The following TECPR1 variants were observed in gnomAD, a reference collection of about 807,000 sequenced individuals.
The protein encoded by TECPR1 is tectonin beta-propeller repeat containing 1, also known as tectonin beta-propeller repeat-containing protein 1.
In TECPR1, 122 loss-of-function variants were observed where a neutral mutation model predicts 162.4. The observed-to-expected ratio is 0.75, with a 90% CI of 0.65 to 0.87. The LOEUF (loss-of-function observed/expected upper bound fraction) is 0.87, where lower values mean the gene tolerates loss of function less well. Ranked by LOEUF, TECPR1 falls within the 40% of genes least tolerant of loss-of-function variation. The pLI is 0.00. For missense variants in TECPR1, 1,432 were observed against 1,618.2 expected, an observed-to-expected ratio of 0.88 and a Z score of 1.97; for synonymous variants, 642 against 670.6, an observed-to-expected ratio of 0.96 and a Z score of 0.66.
At chr7:98,236,263 C>G (rs906804351) in intron 10 of TECPR1, among the ~76,000 whole-genome samples, 1 of 152,184 alleles carries the variant, frequency 6.6e-6, no homozygotes, top group African/African-American at 2.4e-5. Flanking sequence ...CTCAAACAAA[C>G]TCGGGGTAAG....
intron 19 of TECPR1, 151 bp from the exon 20 acceptor site, chr7:98,223,869 C>T (rs751850752): frequency 8.8e-6 from 7 of 798,222 alleles, no homozygotes; most frequent in Admixed American, 2.3e-5. Context: ...TGTCACCACG[C>T]GCGGCTCTCA....
At chr7:98,239,935 C>T (rs1435138710) in intron 8 of TECPR1, among the ~76,000 whole-genome samples, 1 of 151,940 alleles carries the variant, frequency 6.6e-6, no homozygotes, top group Non-Finnish European at 1.5e-5. Context: ...TCGGTGATAC[C>T]CCATCTCTAC....
chr7:98,232,623 G>C lies in TECPR1; in HGVS notation c.1818+204C>G, dbSNP rs1242295163. Among the ~76,000 whole-genome samples, 2 of 147,798 alleles carry C rather than the reference G, an allele frequency of 1.4e-5. No individual in the cohort carries two copies. The highest frequency in any genetic ancestry group is 2.5e-5 in the African/African-American group (1 of 40,672). Reference sequence around the variant, plus strand: ...TCTGGGTCCCCAGGGCCTCCAACGAGTCTGGAACACAGTGAGGCCCAAACC... The same window carrying C: ...TCTGGGTCCCCAGGGCCTCCAACGACTCTGGAACACAGTGAGGCCCAAACC... On this transcript the variant is annotated intron_variant, in intron 12 of 25. Coordinates refer to ENST00000447648, the MANE Select transcript of TECPR1 (RefSeq NM_015395.3). The surrounding 1 kb of genome is among the most constrained non-coding windows in gnomAD (Gnocchi z 4.6).
chr7:98,236,732 C>T (rs1161299882), intron 10 of TECPR1, 44 bp downstream of exon 10: 1 of 1,571,844 alleles, frequency 6.4e-7, no homozygotes, highest in Non-Finnish European at 8.6e-7. Flanking sequence ...GCTCAGACGG[C>T]CCATCCCAGC....
At chr7:98,225,679 G>C (rs1381787243) in intron 17 of TECPR1, among the ~76,000 whole-genome samples, 1 of 151,898 alleles carries the variant, frequency 6.6e-6, no homozygotes, top group Non-Finnish European at 1.5e-5. Context: ...TCAGAGACAG[G>C]CTGTCGCTCT....
chr7:98,246,089 T>C lies in TECPR1; in HGVS notation c.58A>G (p.Thr20Ala). 1 of 1,560,588 alleles carries C rather than the reference T, an allele frequency of 6.4e-7. No individual in the cohort carries two copies. The highest frequency in any genetic ancestry group is 2.4e-5 in the East Asian group (1 of 41,564). Residue 20 changes from threonine (T) to alanine (A), a missense_variant, in exon 3 of 26, where the codon ACA becomes GCA. By Grantham distance (58) the Thr-to-Ala change is moderately conservative. Transcript: ENST00000447648. The stretch of plus-strand genomic sequence containing the variant: ...CACATTTCCCAGTACTGGCCTGCTG[T>C]GGACAGCGTGTACACTCTCCCGAAG... ...DLFGRVYTLS[T>A]AGQYWEMCKD...
At chr7:98,224,725 G>T in intron 19 of TECPR1, 76 bp downstream of exon 19, 2 of 1,383,244 alleles carry the variant, frequency 1.4e-6, no homozygotes, top group East Asian at 2.5e-5. Context: ...GAAGAGCAGT[G>T]AGGCCAGAGG....
chr7:98,247,801 C>T (rs554302563), intron 2 of TECPR1, among the ~76,000 whole-genome samples: 12 of 152,250 alleles, frequency 7.9e-5, no homozygotes, highest in Non-Finnish European at 1.3e-4. Context: ...TAGCTCACTG[C>T]AGCCTTGAAC....
intron 5 of TECPR1, among the ~76,000 whole-genome samples, chr7:98,244,159 C>T (rs1311570144): frequency 6.6e-6 from 1 of 151,952 alleles, no homozygotes; most frequent in Non-Finnish European, 1.5e-5. Flanking sequence ...CCCAGGGAGG[C>T]CTCCACTCAT....
chr7:98,217,559 G>A (rs1798044594), intron 25 of TECPR1, 56 bp from the exon 26 acceptor site: 3 of 1,544,450 alleles, frequency 1.9e-6, no homozygotes, highest in South Asian at 1.2e-5. Context: ...ATCCTGGAGG[G>A]GATCTGCCTG....
At position 98,231,300 on chromosome 7, in the gene TECPR1, A is replaced by G. The variant is rs1798429050; in HGVS notation, c.2048T>C (p.Leu683Pro). 6.2e-7 allele frequency: 1 copy of G among 1,612,506 alleles called. No homozygotes were observed. Among genetic ancestry groups the G allele is most frequent in the South Asian group, 1.1e-5 (1 of 90,832 alleles). The change falls in exon 14 of 26, where the codon CTG (leucine) becomes CCG (proline). Residue 683 changes from leucine to proline, a missense_variant. Leu to Pro is a moderately conservative substitution (Grantham distance 98). Coordinates refer to ENST00000447648, the MANE Select transcript of TECPR1 (RefSeq NM_015395.3). The stretch of plus-strand genomic sequence containing the variant: ...CTGCCGTGTCCGCTCAGGGGTGTAC[A>G]GGGCAAAGGAGTGCTTGGTCTCGTT... Reference protein sequence around the residue: ...VLNETKHSFALYTPERTRQRW... With the variant: ...VLNETKHSFAPYTPERTRQRW...
intron 11 of TECPR1, chr7:98,233,202 G>T: frequency 1.3e-6 from 1 of 787,176 alleles, no homozygotes. Context: ...ACAGGGGAAG[G>T]GGCACTGGCC....
intron 1 of TECPR1, 135 bp from the exon 2 acceptor site, chr7:98,251,683 GAC>G (rs1212616691): frequency 2.6e-5 from 4 of 152,294 alleles, no homozygotes; most frequent in Non-Finnish European, 4.4e-5. Context: ...GCACTTGGGT[GAC>G]AGGTGGGGCC....
In TECPR1 at chr7:98,217,163, C is replaced by G. The variant is rs184521770; in HGVS notation, c.*227G>C. 7 of 519,488 alleles carry G rather than the reference C, an allele frequency of 1.3e-5. No individual in the cohort carries two copies. The East Asian group carries it at 2.3e-4, about 17-fold the overall frequency. The allele number at this position is 519,488 out of a possible 1,614,324, so 32.2% of individuals were successfully genotyped here. A position where few individuals can be genotyped will look rare whatever the true frequency, so the allele number is the denominator to read the frequency against. On this transcript the variant is annotated 3_prime_UTR_variant, in exon 26 of 26. Transcript: ENST00000447648. ...GCAGCCCCACCCCATGCCCCACACC[C>G]CGGGACTCCTCGCAGACGGGGACAC...
rs1404841878 is a variant in TECPR1 at position 98,217,646 on chromosome 7, C to T, written c.3384+46G>A. The T allele has an allele frequency of 3.9e-6, 6 of 1,519,206 alleles. No individual in the cohort carries two copies. In the African/African-American group the frequency reaches 5.5e-5, roughly 14 times the overall value. 94.1% of individuals were successfully genotyped at this position (1,519,206 alleles called of 1,614,324 possible). On this transcript the variant is annotated intron_variant, in intron 25 of 25. Coordinates refer to ENST00000447648, the MANE Select transcript of TECPR1 (RefSeq NM_015395.3). The stretch of plus-strand genomic sequence containing the variant: ...GTCGTCCCGTCTTCAGCACCCAGTG[C>T]AGGCACAAGGTGATAACACAGCCCA...
Position 98,217,721 on chromosome 7 carries a change from T to G in TECPR1, c.3355A>C (p.Lys1119Gln). 1 of 1,549,184 alleles carries G rather than the reference T, an allele frequency of 6.5e-7. No homozygotes were observed. The highest frequency in any genetic ancestry group is 8.7e-7 in the Non-Finnish European group (1 of 1,146,338). The change falls in exon 25 of 26, where the codon AAG becomes CAG. Residue 1119 changes from lysine (K) to glutamine (Q), a missense_variant. Lys to Gln is a moderately conservative substitution (Grantham distance 53). Coordinates refer to ENST00000447648, the MANE Select transcript of TECPR1 (RefSeq NM_015395.3). ...ATGCCGTAGTCCCAGCCGTGGCCCT[T>G]GGGCTCGTGAGGCTGCACGCCGGTG... ...HRTGVQPHEP[K>Q]GHGWDYGIGG...
intron 2 of TECPR1, among the ~76,000 whole-genome samples, chr7:98,248,097 C>G (rs1005426551): frequency 3.3e-5 from 5 of 152,220 alleles, no homozygotes; most frequent in Non-Finnish European, 4.4e-5. Context: ...CTGACCACCC[C>G]TGGCCCCACC....
At chr7:98,224,561 C>A (rs1798227011) in intron 19 of TECPR1, among the ~76,000 whole-genome samples, 1 of 152,206 alleles carries the variant, frequency 6.6e-6, no homozygotes, top group South Asian at 2.1e-4. Flanking sequence ...GGTGCTCCTA[C>A]CCGTGCCACA....
chr7:98,245,728 C>A (rs1798888947), intron 3 of TECPR1, among the ~76,000 whole-genome samples, 194 bp downstream of exon 3: 1 of 152,216 alleles, frequency 6.6e-6, no homozygotes, highest in Admixed American at 6.5e-5. Flanking sequence ...CCCGCCACAG[C>A]CTTCCAAAGT....
Sources: allele counts gnomAD v4.1 joint callset (sites outside exome capture counted in the v4.1 genomes callset), GRCh38; gene constraint gnomAD v4.1.1; non-coding constraint Gnocchi (gnomAD v3.1); transcripts MANE v1.5; gene names NCBI Gene and HGNC (gene_info 2026-07-23, HGNC 2026-07-21).